Variants in CFHR5 observed in about 807,000 individuals in gnomAD.
The protein encoded by CFHR5 is complement factor H related 5, also known as complement factor H-related protein 5.
A neutral mutation model predicts 62.9 loss-of-function variants in CFHR5; 73 were observed. The observed-to-expected ratio is 1.16, with a 90% confidence interval of 0.96 to 1.41. CFHR5 has a LOEUF of 1.41. CFHR5 is among the 40% of genes most tolerant of loss of function. The pLI, the probability that CFHR5 is intolerant of heterozygous loss-of-function variation, is 0.00. For synonymous variants in CFHR5, 249 were observed against 227.2 expected, an observed-to-expected ratio of 1.10 and a Z score of -0.86; for missense variants, 779 against 679.9, an observed-to-expected ratio of 1.15 and a Z score of -1.62.
At chr1:197,007,870 A>G (rs1474527176) in intron 9 of CFHR5, among the ~76,000 whole-genome samples, 1 of 147,464 alleles carries the variant, frequency 6.8e-6, no homozygotes, top group African/African-American at 2.5e-5. Flanking sequence ...TGATTACATT[A>G]CATTAGATAT....
intron 3 of CFHR5, among the ~76,000 whole-genome samples, chr1:196,993,499 G>T (rs1356310005): frequency 1.3e-5 from 2 of 152,068 alleles, no homozygotes; most frequent in Non-Finnish European, 2.9e-5. Flanking sequence ...GTTTCACCAT[G>T]TTGGCCAGGC....
intron 1 of CFHR5, 123 bp downstream of exon 1, chr1:196,977,845 A>C: frequency 1.3e-6 from 1 of 779,484 alleles, no homozygotes; most frequent in Non-Finnish European, 2.3e-6. Context: ...AAGGGGTATC[A>C]CAATATTCAT....
intron 7 of CFHR5, among the ~76,000 whole-genome samples, chr1:196,999,222 AAAGAT>A (rs1445737403): frequency 6.6e-6 from 1 of 152,016 alleles, no homozygotes; most frequent in Non-Finnish European, 1.5e-5. Context: ...AGGATTTCAA[AAAGAT>A]AAGATAACTA....
In CFHR5 at chr1:197,008,682, G is replaced by A. The variant is rs369410913; in HGVS notation, c.1709G>A (p.Ter570=). The A allele has an allele frequency of 2.7e-5, 44 of 1,609,968 alleles. No homozygotes were observed. The highest frequency in any genetic ancestry group is 3.3e-5 in the Admixed American group (2 of 59,986). The part of the protein sequence containing the change: ...EGKFEYPICE[*] ...AAATTTGAATATCCTATATGTGAAT[G>A]AAGCAAGCATAATTTTCCTGAATAT... The change falls in exon 10 of 10, where the codon TGA becomes TAA. Residue 570 remains the stop codon, a stop_retained_variant. Transcript: ENST00000256785.
At position 197,008,517 on chromosome 1, in the gene CFHR5, A is replaced by G; in HGVS notation, c.1544A>G (p.Asn515Ser). The change falls in exon 10 of 10, where the codon AAC (asparagine) becomes AGC (serine). Residue 515 changes from asparagine (N) to serine (S), a missense_variant. Asn to Ser is a conservative substitution (Grantham distance 46). Transcript: ENST00000256785. ...DPCVVSEENM[N>S]KNNIQLKWRN... ...TGTGTGGTATCTGAAGAAAACATGA[A>G]CAAAAATAACATACAGTTAAAATGG... 1.2e-6 allele frequency: 2 copies of G among 1,610,404 alleles called. No individual in the cohort carries two copies. The highest frequency in any genetic ancestry group is 2.2e-5 in the South Asian group (2 of 90,158).
intron 8 of CFHR5, among the ~76,000 whole-genome samples, chr1:197,004,269 T>C (rs1654229083): frequency 6.6e-6 from 1 of 152,160 alleles, no homozygotes; most frequent in Non-Finnish European, 1.5e-5. Context: ...TCAGTAAAAC[T>C]ACAAGTTTAT....
Position 196,983,024 on chromosome 1 carries a change from T to G in CFHR5, c.198T>G (p.Phe66Leu). The change falls in exon 2 of 10, where the codon TTT becomes TTG. Residue 66 changes from phenylalanine (F) to leucine (L), a missense_variant. Phe to Leu is a conservative substitution (Grantham distance 22, BLOSUM62 0). Coordinates refer to ENST00000256785, the MANE Select transcript of CFHR5 (RefSeq NM_030787.4). Reference protein sequence around the residue: ...EYNFVSPSKSFWTRITCTEEG... With the variant: ...EYNFVSPSKSLWTRITCTEEG... The stretch of plus-strand genomic sequence containing the variant: ...ATTTTGTGTCTCCTTCAAAATCCTT[T>G]TGGACTCGCATAACATGCACAGAAG... The G allele has an allele frequency of 6.2e-7, 1 of 1,614,134 alleles. No individual in the cohort carries two copies. Among genetic ancestry groups the G allele is most frequent in the Non-Finnish European group, 8.5e-7 (1 of 1,180,028 alleles).
Position 196,981,743 on chromosome 1 carries a change from C to T in CFHR5, c.59-1142C>T, listed in dbSNP as rs539496763. 2.9e-4 allele frequency among the ~76,000 whole-genome samples: 44 copies of T among 151,846 alleles called. 1 individual carries two copies. The South Asian group carries it at 7.9e-3, about 27-fold the overall frequency. ...TGCTCAAGTCTCTAAGAGAGAATGGCGTAGTATTTGCATATAACATATGCA... is the reference window on the plus strand; with the variant it reads ...TGCTCAAGTCTCTAAGAGAGAATGGTGTAGTATTTGCATATAACATATGCA... On this transcript the variant is annotated intron_variant, in intron 1 of 9. Transcript: ENST00000256785.
chr1:197,001,591 G>GTGC (rs1477352861), intron 7 of CFHR5, among the ~76,000 whole-genome samples: 1 of 151,658 alleles, frequency 6.6e-6, no homozygotes. Flanking sequence ...TAGGGTACAT[G>GTGC]TGCACAACGT....
intron 7 of CFHR5, among the ~76,000 whole-genome samples, chr1:197,001,403 T>C (rs1654149727): frequency 6.6e-6 from 1 of 152,116 alleles, no homozygotes; most frequent in Non-Finnish European, 1.5e-5. Context: ...TAAAGATCTG[T>C]TGTATATAAT....
At chr1:197,004,616 G>A in intron 8 of CFHR5, 45 bp from the exon 9 acceptor site, 2 of 1,448,408 alleles carry the variant, frequency 1.4e-6, no homozygotes, top group Non-Finnish European at 9.7e-7. Context: ...ATATTATTTT[G>A]TTTAAACTAA....
chr1:196,988,028 G>A (rs1653743263), intron 3 of CFHR5, among the ~76,000 whole-genome samples: 1 of 152,012 alleles, frequency 6.6e-6, no homozygotes, highest in Admixed American at 6.6e-5. Flanking sequence ...ATTTGTTTGT[G>A]TCCTCTTTTA....
intron 6 of CFHR5, 34 bp downstream of exon 6, chr1:196,996,235 A>G: frequency 1.3e-6 from 2 of 1,513,158 alleles, no homozygotes; most frequent in Non-Finnish European, 1.8e-6. Flanking sequence ...ATATTTGATT[A>G]TTTATCATTT....
At chr1:196,984,962 T>C (rs770396895) in intron 3 of CFHR5, among the ~76,000 whole-genome samples, 5 of 152,210 alleles carry the variant, frequency 3.3e-5, no homozygotes, top group Non-Finnish European at 7.3e-5. Flanking sequence ...GGGCTTTCAT[T>C]GACTTTGCTT....
At position 197,002,509 on chromosome 1, in the gene CFHR5, C is replaced by T. The variant is rs1276588316; in HGVS notation, c.1175C>T (p.Pro392Leu). Residue 392 changes from proline (P) to leucine (L), a missense_variant, in exon 8 of 10, where the codon CCA (proline) becomes CTA (leucine). Coordinates refer to ENST00000256785, the MANE Select transcript of CFHR5 (RefSeq NM_030787.4). Reference sequence around the variant, plus strand: ...AAAAGGGAACAATTCTGCCCACCGCCACCTCAGATACCTAATGCTCAGAAT... The same window carrying T: ...AAAAGGGAACAATTCTGCCCACCGCTACCTCAGATACCTAATGCTCAGAAT... ...TEKREQFCPP[P>L]PQIPNAQNMT... The T allele has an allele frequency of 6.2e-7, 1 of 1,613,364 alleles. No individual in the cohort carries two copies. Among genetic ancestry groups the T allele is most frequent in the East Asian group, 2.2e-5 (1 of 44,810 alleles).
At chr1:197,000,983 C>T (rs1367956292) in intron 7 of CFHR5, among the ~76,000 whole-genome samples, 1 of 152,132 alleles carries the variant, frequency 6.6e-6, no homozygotes, top group Non-Finnish European at 1.5e-5. Context: ...TCTTCAAACT[C>T]ATGACCAAAC....
intron 3 of CFHR5, among the ~76,000 whole-genome samples, chr1:196,987,833 G>A (rs994029859): frequency 7.9e-5 from 12 of 152,110 alleles, no homozygotes; most frequent in Admixed American, 7.2e-4. Context: ...TTTTGCTTAG[G>A]ATTGTCTTGG....
At chr1:196,990,564 T>TG (rs1197345370) in intron 3 of CFHR5, among the ~76,000 whole-genome samples, 1 of 152,152 alleles carries the variant, frequency 6.6e-6, no homozygotes, top group Non-Finnish European at 1.5e-5. Context: ...AAGGCAGACC[T>TG]GGTGGTGACA....
At chr1:196,993,053 GA>G (rs199566802) in intron 3 of CFHR5, among the ~76,000 whole-genome samples, 2,779 of 152,020 alleles carry the variant, frequency 0.018, 41 homozygotes, top group Middle Eastern at 0.031. Flanking sequence ...TATTAAATGA[GA>G]AAAACACACA....
Sources: gnomAD v4.1 joint callset for allele counts (sites outside exome capture counted in the v4.1 genomes callset) on GRCh38, gnomAD v4.1.1 for gene constraint, MANE v1.5 for transcripts, NCBI Gene and HGNC (gene_info 2026-07-23, HGNC 2026-07-21) for gene names.